LNX2: variants seen among roughly 807,000 people sequenced by gnomAD.
The protein encoded by LNX2 is ligand of numb-protein X 2.
Under a neutral mutation model 66.2 loss-of-function variants are expected in LNX2, and 35 were observed. The observed-to-expected ratio is 0.53, with a 90% CI of 0.40 to 0.70. The LOEUF (loss-of-function observed/expected upper bound fraction) is 0.70. LNX2 is among the 30% of genes least tolerant of loss of function. The pLI is 0.00. For missense variants in LNX2, 791 were observed against 850.8 expected (o/e 0.93, Z 0.87); for synonymous variants, 337 against 315.6 (o/e 1.07, Z -0.72).
chr13:27,619,474 T>G (rs890598168), intron 1 of LNX2, among the ~76,000 whole-genome samples: 1 of 152,226 alleles, frequency 6.6e-6, no homozygotes, highest in African/African-American at 2.4e-5. Flanking sequence ...TAAGTACTAT[T>G]GCCGCAAGAA....
In LNX2 at chr13:27,569,175, G is replaced by A. The variant is rs137868420; in HGVS notation, c.509C>T (p.Pro170Leu). ...TGCTTCTGGAGATAAGGTACCTGCA[G>A]GATCTAGTAGAGTGGGCCCATTTTC... ...ENENGPTLLD[P>L]AGTLSPEADC... The change falls in exon 3 of 10, where the codon CCT becomes CTT. Residue 170 changes from proline (P) to leucine (L), a missense_variant. Pro to Leu is a moderately conservative substitution (Grantham distance 98). Transcript: ENST00000316334. 25 of 1,612,790 alleles carry A rather than the reference G, an allele frequency of 1.6e-5. No individual in the cohort carries two copies. The African/African-American group carries it at 3.2e-4, about 21-fold the overall frequency.
intron 4 of LNX2, among the ~76,000 whole-genome samples, chr13:27,563,324 T>C (rs955111779): frequency 8.5e-5 from 13 of 152,254 alleles, no homozygotes; most frequent in Admixed American, 3.9e-4. Context: ...TACAAACTTA[T>C]TTTAGATAAG....
chr13:27,591,001 T>C (rs1190913230), intron 1 of LNX2, among the ~76,000 whole-genome samples: 3 of 152,078 alleles, frequency 2.0e-5, no homozygotes, highest in African/African-American at 4.8e-5. Flanking sequence ...TGTGTATATA[T>C]ATGTGTGTGT....
intron 1 of LNX2, among the ~76,000 whole-genome samples, chr13:27,615,951 A>T (rs1241150000): frequency 6.6e-6 from 1 of 152,122 alleles, no homozygotes; most frequent in East Asian, 1.9e-4. Flanking sequence ...CAACAAAAAG[A>T]GTCAAACTCT....
At chr13:27,559,821 A>T (rs1255599604) in intron 6 of LNX2, 21 bp downstream of exon 6, 4 of 888,452 alleles carry the variant, frequency 4.5e-6, no homozygotes, top group Non-Finnish European at 4.6e-6. Flanking sequence ...TGGTGGCATA[A>T]AAAAAAAAAA....
chr13:27,558,804 C>G (rs180882311), intron 6 of LNX2, among the ~76,000 whole-genome samples: 14 of 152,082 alleles, frequency 9.2e-5, no homozygotes, highest in Admixed American at 9.2e-4. Context: ...AATCAAAGAC[C>G]AATGACAAGT....
intron 4 of LNX2, among the ~76,000 whole-genome samples, chr13:27,563,520 G>A (rs1341941055): frequency 6.6e-6 from 1 of 152,084 alleles, no homozygotes; most frequent in African/African-American, 2.4e-5. Flanking sequence ...CTCAAAAAAA[G>A]TATAGTGACT....
chr13:27,602,232 C>T (rs1410274393), intron 1 of LNX2, among the ~76,000 whole-genome samples: 2 of 152,102 alleles, frequency 1.3e-5, no homozygotes, highest in African/African-American at 4.8e-5. Flanking sequence ...CATGTACCAC[C>T]ATACCAAGTA....
At chr13:27,566,104 T>C (rs556756663) in intron 4 of LNX2, among the ~76,000 whole-genome samples, 17 of 152,344 alleles carry the variant, frequency 1.1e-4, no homozygotes, top group African/African-American at 4.1e-4. Context: ...CCTTAGATCA[T>C]GCCTACATAC....
intron 1 of LNX2, among the ~76,000 whole-genome samples, chr13:27,607,526 A>G (rs1248223209): frequency 1.3e-5 from 2 of 152,234 alleles, no homozygotes; most frequent in Non-Finnish European, 2.9e-5. Flanking sequence ...AAAGAGTGAT[A>G]GAATTATTTA....
rs745789104 is a variant in LNX2, at chr13:27,553,282, C to T, written c.1704G>A (p.Gln568=). The T allele has an allele frequency of 2.5e-5, 41 of 1,614,206 alleles. No individual in the cohort carries two copies. The highest frequency in any genetic ancestry group is 3.5e-5 in the Non-Finnish European group (41 of 1,180,034). ...ACTCATTTTCGCTGAAAGTACTCGGCTGCTCCTCCGCGTTCTGAGTCGCCT... is the reference window on the plus strand; with the variant it reads ...ACTCATTTTCGCTGAAAGTACTCGGTTGCTCCTCCGCGTTCTGAGTCGCCT... ...VEEATQNAEE[Q]PSTFSENEYD... is the part of the protein sequence containing the mutation. Residue 568 remains glutamine, a synonymous_variant, in exon 8 of 10, where the codon CAG becomes CAA. Transcript: ENST00000316334.
In LNX2 at chr13:27,553,415, C is replaced by T. The variant is rs753172823; in HGVS notation, c.1571G>A (p.Gly524Asp). ...GTGACTTAAATTGGTCAAATCAATG[C>T]CGTTGATATTTAGCAACACATCACC... ...KRGDVLLNINGIDLTNLSHSE... is the reference protein window; with the variant it reads ...KRGDVLLNINDIDLTNLSHSE... Residue 524 changes from glycine (G) to aspartate (D), a missense_variant, in exon 8 of 10, where the codon GGC (glycine) becomes GAC (aspartate). Physicochemically the swap from Gly to Asp is moderately conservative, Grantham distance 94. Coordinates refer to ENST00000316334, the MANE Select transcript of LNX2 (RefSeq NM_153371.4). The T allele has an allele frequency of 5.6e-6, 9 of 1,613,856 alleles. No homozygotes were observed. Among genetic ancestry groups the T allele is most frequent in the Admixed American group, 3.3e-5 (2 of 59,984 alleles).
At chr13:27,583,488 C>A (rs1955447103) in intron 1 of LNX2, among the ~76,000 whole-genome samples, 1 of 149,582 alleles carries the variant, frequency 6.7e-6, no homozygotes, top group Non-Finnish European at 1.5e-5. Context: ...AAACTGCTCA[C>A]CTCAGGTGAT....
intron 3 of LNX2, 80 bp downstream of exon 3, chr13:27,568,949 A>G: frequency 7.1e-7 from 1 of 1,406,670 alleles, no homozygotes; most frequent in Non-Finnish European, 9.4e-7. Context: ...TTCTTTAAAG[A>G]TGAAAAAAGT....
intron 2 of LNX2, among the ~76,000 whole-genome samples, chr13:27,578,907 T>C (rs1001222568): frequency 2.6e-5 from 4 of 152,250 alleles, no homozygotes; most frequent in Admixed American, 2.6e-4. Flanking sequence ...CAACAAATGC[T>C]TGTTGTTTTA....
At chr13:27,580,725 CAAATA>C (rs1206589086) in intron 2 of LNX2, among the ~76,000 whole-genome samples, 5 of 152,118 alleles carry the variant, frequency 3.3e-5, no homozygotes, top group African/African-American at 7.2e-5. Flanking sequence ...AAGATCTTAG[CAAATA>C]AAATAATGTA....
chr13:27,590,933 G>C (rs971928273), intron 1 of LNX2, among the ~76,000 whole-genome samples: 4 of 152,036 alleles, frequency 2.6e-5, no homozygotes, highest in Non-Finnish European at 5.9e-5. Flanking sequence ...TGTTCAATTT[G>C]CTCTACTTAT....
intron 1 of LNX2, among the ~76,000 whole-genome samples, chr13:27,597,943 G>A (rs939783560): frequency 6.6e-6 from 1 of 151,908 alleles, no homozygotes; most frequent in Non-Finnish European, 1.5e-5. Context: ...GAATTTCCTG[G>A]TATCTCCAAA....
chr13:27,569,305 G>A (rs750594381), intron 2 of LNX2, 29 bp from the exon 3 acceptor site: 4 of 1,592,266 alleles, frequency 2.5e-6, no homozygotes, highest in Non-Finnish European at 3.4e-6. Context: ...ATGGTTTCCA[G>A]ATGATTTTGA....
Sources: allele counts gnomAD v4.1 joint callset (sites outside exome capture counted in the v4.1 genomes callset), GRCh38; gene constraint gnomAD v4.1.1; transcripts MANE v1.5; gene names NCBI Gene and HGNC (gene_info 2026-07-23, HGNC 2026-07-21).